Variants in PXDNL observed in about 807,000 individuals in gnomAD.
PXDNL encodes peroxidasin like, also known as probable oxidoreductase PXDNL.
Under a neutral mutation model 150.8 loss-of-function variants are expected in PXDNL, and 145 were observed. That is an observed-to-expected ratio of 0.96 (90% CI 0.84 to 1.10). PXDNL has a LOEUF of 1.10. Among genes scored for constraint, PXDNL ranks in the 50% least tolerant of loss-of-function variants. PXDNL has a pLI of 0.00. For synonymous variants in PXDNL, 757 were observed against 725.7 expected, an observed-to-expected ratio of 1.04 and a Z score of -0.69; for missense variants, 2,087 against 1,873.9, an observed-to-expected ratio of 1.11 and a Z score of -2.10.
chr8:51,359,096 C>T (rs1472628389), intron 19 of PXDNL, among the ~76,000 whole-genome samples: 1 of 152,114 alleles, frequency 6.6e-6, no homozygotes, highest in African/African-American at 2.4e-5. Flanking sequence ...GCCCAGTGAA[C>T]CTGTCTCCTT....
chr8:51,513,015 C>G (rs1811456730), intron 4 of PXDNL, among the ~76,000 whole-genome samples: 1 of 152,244 alleles, frequency 6.6e-6, no homozygotes, highest in East Asian at 1.9e-4. Context: ...TGCCTGCATG[C>G]TGTGGAATGA....
At chr8:51,585,522 A>G (rs142484073) in intron 3 of PXDNL, among the ~76,000 whole-genome samples, 197 of 152,308 alleles carry the variant, frequency 1.3e-3, no homozygotes, top group African/African-American at 4.5e-3. Context: ...ATGAAGCCTC[A>G]TGAAACATAA....
intron 1 of PXDNL, among the ~76,000 whole-genome samples, chr8:51,754,933 T>C (rs1337636077): frequency 7.2e-5 from 11 of 152,196 alleles, no homozygotes; most frequent in Non-Finnish European, 1.6e-4. Flanking sequence ...AGGTGGCCTA[T>C]ACTGGCCTCA....
chr8:51,701,084 C>T (rs899393369), intron 1 of PXDNL, among the ~76,000 whole-genome samples: 4 of 151,958 alleles, frequency 2.6e-5, no homozygotes, highest in Non-Finnish European at 5.9e-5. Flanking sequence ...TTATAGAAAG[C>T]TTCCTAACAT....
chr8:51,480,813 TC>T (rs1159263886), intron 6 of PXDNL, among the ~76,000 whole-genome samples: 1 of 152,186 alleles, frequency 6.6e-6, no homozygotes, highest in Non-Finnish European at 1.5e-5. Flanking sequence ...TGTAAGATAT[TC>T]CTTTGCTCTT....
chr8:51,331,546 C>T (rs1805689009), intron 21 of PXDNL, among the ~76,000 whole-genome samples: 1 of 152,104 alleles, frequency 6.6e-6, no homozygotes, highest in East Asian at 1.9e-4. Context: ...GAACTAAAGC[C>T]CTTTTCTTTC....
At chr8:51,612,245 T>C (rs1814023718) in intron 2 of PXDNL, among the ~76,000 whole-genome samples, 1 of 152,154 alleles carries the variant, frequency 6.6e-6, no homozygotes, top group Non-Finnish European at 1.5e-5. Context: ...TCCTGTTCTG[T>C]AGGGCCTGCT....
chr8:51,746,935 C>A (rs746910088), intron 1 of PXDNL, among the ~76,000 whole-genome samples: 1 of 152,000 alleles, frequency 6.6e-6, no homozygotes, highest in Non-Finnish European at 1.5e-5. Flanking sequence ...GTTGGCCAGG[C>A]TGGTCTTGAA....
intron 3 of PXDNL, among the ~76,000 whole-genome samples, chr8:51,559,248 T>C (rs990140319): frequency 2.6e-5 from 4 of 151,246 alleles, no homozygotes; most frequent in Admixed American, 6.6e-5. Flanking sequence ...ACAAAACAGC[T>C]ATGAGGAAGG....
chr8:51,603,705 CTAA>C (rs556850176), intron 2 of PXDNL, among the ~76,000 whole-genome samples: 235 of 151,998 alleles, frequency 1.5e-3, no homozygotes, highest in African/African-American at 5.3e-3. Flanking sequence ...TATCCCAGAC[CTAA>C]TAATAGTAGA....
intron 17 of PXDNL, among the ~76,000 whole-genome samples, chr8:51,404,128 C>A (rs1455245316): frequency 6.6e-6 from 1 of 152,196 alleles, no homozygotes; most frequent in East Asian, 1.9e-4. Flanking sequence ...GCTGCATACC[C>A]TTGGGGTGAG....
At chr8:51,392,673 T>C (rs564067395) in intron 17 of PXDNL, among the ~76,000 whole-genome samples, 3 of 152,344 alleles carry the variant, frequency 2.0e-5, no homozygotes, top group African/African-American at 7.2e-5. Flanking sequence ...TATACAATCA[T>C]GTCATCTGCA....
At chr8:51,662,450 G>A (rs1563499459) in intron 1 of PXDNL, among the ~76,000 whole-genome samples, 1 of 152,118 alleles carries the variant, frequency 6.6e-6, no homozygotes, top group Non-Finnish European at 1.5e-5. Flanking sequence ...CCCAGGAGGT[G>A]GAGTGAGCTG....
intron 3 of PXDNL, among the ~76,000 whole-genome samples, chr8:51,588,159 A>T (rs1016267622): frequency 8.5e-5 from 13 of 152,274 alleles, no homozygotes; most frequent in Admixed American, 2.6e-4. Context: ...GGCAATGCTT[A>T]CCATATTTGA....
At chr8:51,445,232 G>A (rs1809648117) in intron 12 of PXDNL, among the ~76,000 whole-genome samples, 1 of 152,058 alleles carries the variant, frequency 6.6e-6, no homozygotes, top group Admixed American at 6.6e-5. Flanking sequence ...CCAGGTTAAT[G>A]AATATTCTGA....
intron 1 of PXDNL, among the ~76,000 whole-genome samples, chr8:51,794,919 G>A (rs930184524): frequency 9.9e-5 from 15 of 152,218 alleles, no homozygotes; most frequent in Admixed American, 2.6e-4. Context: ...GACTCATCTC[G>A]TGCAGACACA....
At chr8:51,358,447 G>C (rs1806590814) in intron 19 of PXDNL, among the ~76,000 whole-genome samples, 1 of 152,180 alleles carries the variant, frequency 6.6e-6, no homozygotes, top group African/African-American at 2.4e-5. Context: ...CCTTGTGTCG[G>C]TACATTCCTG....
At chr8:51,362,005 T>C (rs1806766536) in intron 19 of PXDNL, among the ~76,000 whole-genome samples, 1 of 149,558 alleles carries the variant, frequency 6.7e-6, no homozygotes, top group Admixed American at 6.7e-5. Context: ...CTTAAATTAG[T>C]CTTAACTAGG....
chr8:51,596,067 G>T (rs1478212540), intron 2 of PXDNL, among the ~76,000 whole-genome samples: 2 of 152,052 alleles, frequency 1.3e-5, no homozygotes, highest in Non-Finnish European at 2.9e-5. Context: ...CTCCACTCTA[G>T]TAATCCCCAG....
Sources: allele counts gnomAD v4.1 joint callset (sites outside exome capture counted in the v4.1 genomes callset), GRCh38; gene constraint gnomAD v4.1.1; transcripts MANE v1.5; gene names NCBI Gene and HGNC (gene_info 2026-07-23, HGNC 2026-07-21).